TMTC2: variants seen among roughly 807,000 people sequenced by gnomAD.
TMTC2 encodes the protein transmembrane O-mannosyltransferase targeting cadherins 2.
Under a neutral mutation model 82.4 loss-of-function variants are expected in TMTC2, and 43 were observed. The observed-to-expected ratio is 0.52, with a 90% CI of 0.41 to 0.67. TMTC2 has a LOEUF of 0.67. Among genes scored for constraint, TMTC2 ranks in the 30% least tolerant of loss-of-function variants. The pLI is 0.00. For synonymous variants in TMTC2, 408 were observed against 381.9 expected, an observed-to-expected ratio of 1.07 and a Z score of -0.80; for missense variants, 919 against 1,012.4, an observed-to-expected ratio of 0.91 and a Z score of 1.25.
intron 2 of TMTC2, among the ~76,000 whole-genome samples, chr12:82,857,787 CTTTCATGA>C (rs1164522097): frequency 1.3e-5 from 2 of 152,168 alleles, no homozygotes; most frequent in Admixed American, 6.5e-5. Flanking sequence ...TGGTTTCTTA[CTTTCATGA>C]TTTCAAGGGT....
intron 1 of TMTC2, among the ~76,000 whole-genome samples, chr12:82,824,560 G>C (rs1441765711): frequency 6.6e-6 from 1 of 152,192 alleles, no homozygotes; most frequent in Non-Finnish European, 1.5e-5. Context: ...GAAGAGGTAT[G>C]ATGCCAATAT....
At chr12:82,820,283 C>A (rs762361211) in intron 1 of TMTC2, among the ~76,000 whole-genome samples, 3 of 152,168 alleles carry the variant, frequency 2.0e-5, no homozygotes, top group Non-Finnish European at 4.4e-5. Context: ...CACCCAGGAA[C>A]AATACCTTGC....
At chr12:82,963,027 C>T (rs1379256888) in intron 4 of TMTC2, among the ~76,000 whole-genome samples, 1 of 151,880 alleles carries the variant, frequency 6.6e-6, no homozygotes, top group East Asian at 1.9e-4. Flanking sequence ...CACATAGGTG[C>T]ACTATTTTGA....
At chr12:83,120,632 G>A (rs1884918001) in intron 11 of TMTC2, among the ~76,000 whole-genome samples, 1 of 152,132 alleles carries the variant, frequency 6.6e-6, no homozygotes. Flanking sequence ...GTGTGCCTAG[G>A]TGATGATCTG....
intron 11 of TMTC2, among the ~76,000 whole-genome samples, chr12:83,099,224 T>C (rs989717333): frequency 1.3e-5 from 2 of 152,196 alleles, no homozygotes; most frequent in African/African-American, 4.8e-5. Context: ...ACTTCTTGAT[T>C]AAAAGCCTAA....
At chr12:83,098,044 G>T (rs191094069) in intron 11 of TMTC2, among the ~76,000 whole-genome samples, 1 of 152,342 alleles carries the variant, frequency 6.6e-6, no homozygotes, top group African/African-American at 2.4e-5. Flanking sequence ...TTACAAAGAT[G>T]TCGAGGGCTA....
At chr12:82,775,166 C>A (rs958902107) in intron 1 of TMTC2, among the ~76,000 whole-genome samples, 3 of 152,068 alleles carry the variant, frequency 2.0e-5, no homozygotes, top group African/African-American at 7.2e-5. Flanking sequence ...AAACAAGATT[C>A]CCGGCCAAGC....
intron 11 of TMTC2, among the ~76,000 whole-genome samples, chr12:83,129,416 A>G (rs1308573187): frequency 1.3e-5 from 2 of 152,186 alleles, no homozygotes; most frequent in East Asian, 3.8e-4. Flanking sequence ...ATTCATCAGA[A>G]CAGATTTAAC....
At chr12:82,955,216 G>A (rs1292966734) in intron 4 of TMTC2, among the ~76,000 whole-genome samples, 11 of 152,132 alleles carry the variant, frequency 7.2e-5, no homozygotes. Context: ...CATTCCCCAA[G>A]TTGTGACAAG....
chr12:82,947,402 G>A (rs2137272856), intron 4 of TMTC2, among the ~76,000 whole-genome samples: 1 of 151,076 alleles, frequency 6.6e-6, no homozygotes, highest in African/African-American at 2.4e-5. Context: ...GAGTGCAGTG[G>A]CGCGATCTCG....
In TMTC2 at chr12:82,895,980, T is replaced by G; in HGVS notation, c.817T>G (p.Phe273Val). Residue 273 changes from phenylalanine (F) to valine (V), a missense_variant, in exon 3 of 12, where the codon TTC becomes GTC. Physicochemically the swap from Phe to Val is conservative, Grantham distance 50. Coordinates refer to ENST00000321196, the MANE Select transcript of TMTC2 (RefSeq NM_152588.3). ...SDSLLTRTLT[F>V]FYLPTKNLWL... ...CAGCCTCCTCACCCGCACTCTCACC[T>G]TCTTCTACTTGCCAACCAAGAACCT... is the stretch of plus-strand genomic sequence containing the variant. 10 of 1,613,866 alleles carry G rather than the reference T, an allele frequency of 6.2e-6. No individual in the cohort carries two copies. Among genetic ancestry groups the G allele is most frequent in the Non-Finnish European group, 8.5e-6 (10 of 1,179,984 alleles).
At chr12:82,695,935 C>A (rs563480077) in intron 1 of TMTC2, among the ~76,000 whole-genome samples, 43 of 152,320 alleles carry the variant, frequency 2.8e-4, no homozygotes, top group African/African-American at 1.0e-3. Flanking sequence ...GCATTCCTAT[C>A]TTCAGCTTTA....
intron 1 of TMTC2, among the ~76,000 whole-genome samples, chr12:82,715,643 A>G (rs933743437): frequency 4.6e-5 from 7 of 152,208 alleles, no homozygotes; most frequent in Admixed American, 1.3e-4. Flanking sequence ...TTGGGTCTGG[A>G]CTTTAGGCAG....
At chr12:82,850,908 A>G (rs1197390112) in intron 1 of TMTC2, among the ~76,000 whole-genome samples, 1 of 151,918 alleles carries the variant, frequency 6.6e-6, no homozygotes, top group Non-Finnish European at 1.5e-5. Flanking sequence ...TACTAAAAAT[A>G]CAAAAATTAG....
intron 1 of TMTC2, among the ~76,000 whole-genome samples, chr12:82,752,026 A>G (rs1876033559): frequency 6.6e-6 from 1 of 152,190 alleles, no homozygotes; most frequent in Non-Finnish European, 1.5e-5. Flanking sequence ...TATGGGAAAA[A>G]TGCCATTCCA....
chr12:82,830,985 AG>A (rs1473182282), intron 1 of TMTC2, among the ~76,000 whole-genome samples: 1 of 152,224 alleles, frequency 6.6e-6, no homozygotes, highest in Non-Finnish European at 1.5e-5. Flanking sequence ...AGGGAAGGCG[AG>A]GGAATAGATT....
chr12:82,806,214 T>C (rs1235328306), intron 1 of TMTC2, among the ~76,000 whole-genome samples: 2 of 147,992 alleles, frequency 1.4e-5, no homozygotes, highest in African/African-American at 5.1e-5. Context: ...CAGGAAATTC[T>C]GTTTTCTTTA....
At chr12:83,066,407 TA>T (rs1882918184) in intron 11 of TMTC2, among the ~76,000 whole-genome samples, 1 of 151,802 alleles carries the variant, frequency 6.6e-6, no homozygotes, top group Non-Finnish European at 1.5e-5. Context: ...AGGAAGGGTA[TA>T]GGGGAAGATA....
intron 1 of TMTC2, among the ~76,000 whole-genome samples, chr12:82,856,747 TAAACCAGTTGAAGAACTTTATTCTTC>T (rs1871274474): frequency 6.6e-6 from 1 of 152,158 alleles, no homozygotes; most frequent in Admixed American, 6.5e-5. Context: ...CATTAAGGCT[TAAACCAGTTGAAGAACTTTATTCTTC>T]AAAGATACTT....
Sources: gnomAD v4.1 joint callset for allele counts (sites outside exome capture counted in the v4.1 genomes callset) on GRCh38, gnomAD v4.1.1 for gene constraint, MANE v1.5 for transcripts, NCBI Gene and HGNC (gene_info 2026-07-23, HGNC 2026-07-21) for gene names.